PARD3B: variants seen among roughly 807,000 people sequenced by gnomAD.
The protein encoded by PARD3B is par-3 family cell polarity regulator beta.
PARD3B carries 103 observed loss-of-function variants against 130.2 expected under a neutral mutation model. The ratio of observed to expected loss-of-function variants is 0.79; its 90% CI spans 0.67 to 0.93. The LOEUF is 0.93. Ranked by LOEUF, PARD3B falls within the 40% of genes least tolerant of loss-of-function variation. The pLI, the probability that PARD3B is intolerant of heterozygous loss-of-function variation, is 0.00. For synonymous variants in PARD3B, 583 were observed against 553.2 expected, an observed-to-expected ratio of 1.05 and a Z score of -0.76; for missense variants, 1,609 against 1,499.2, an observed-to-expected ratio of 1.07 and a Z score of -1.21.
At chr2:204,843,077 C>T (rs1330160431) in intron 2 of PARD3B, among the ~76,000 whole-genome samples, 1 of 152,046 alleles carries the variant, frequency 6.6e-6, no homozygotes, top group Non-Finnish European at 1.5e-5. Context: ...CTGAGCTGAG[C>T]CCCGAGGATC....
chr2:204,745,434 GCT>G (rs1229621345), intron 2 of PARD3B, among the ~76,000 whole-genome samples: 1 of 146,674 alleles, frequency 6.8e-6, no homozygotes, highest in Non-Finnish European at 1.5e-5. Context: ...ACGGAGTTTT[GCT>G]CTGTCACCTG....
rs145954812 is a variant in PARD3B at position 205,013,381 on chromosome 2, G to A, written c.395-34200G>A. Among the ~76,000 whole-genome samples, 230 of 151,974 alleles carry A rather than the reference G, an allele frequency of 1.5e-3. 1 individual carries two copies. The highest frequency in any genetic ancestry group is 5.3e-3 in the African/African-American group (221 of 41,438). Reference sequence around the variant, plus strand: ...ATTGTTTTTTTTCCCCTTCAGACTTGTATATAAATGTCATTATCTCCTGAG... The same window carrying A: ...ATTGTTTTTTTTCCCCTTCAGACTTATATATAAATGTCATTATCTCCTGAG... On this transcript the variant is annotated intron_variant, in intron 3 of 22. Coordinates refer to ENST00000406610, the MANE Select transcript of PARD3B (RefSeq NM_001302769.2).
chr2:205,353,080 G>C (rs953677013), intron 18 of PARD3B, among the ~76,000 whole-genome samples: 3 of 152,162 alleles, frequency 2.0e-5, no homozygotes, highest in African/African-American at 7.2e-5. Flanking sequence ...TTTATCTACA[G>C]ATGTCTTTAA....
At chr2:204,692,421 C>T (rs2037397521) in intron 2 of PARD3B, among the ~76,000 whole-genome samples, 1 of 151,784 alleles carries the variant, frequency 6.6e-6, no homozygotes, top group Non-Finnish European at 1.5e-5. Flanking sequence ...AAGTGTGTAA[C>T]TTATTCAGTC....
rs372361687 is a variant in PARD3B, at chr2:204,654,279, C to T, written c.121-31902C>T. On this transcript the variant is annotated intron_variant, in intron 1 of 22. Coordinates refer to ENST00000406610, the MANE Select transcript of PARD3B (RefSeq NM_001302769.2). ...CTGAGGGGGGAAACGAAGAAAGGAT[C>T]GTGACAACCTAATGCAGGTTCTTGA... is the stretch of plus-strand genomic sequence containing the variant. Among the ~76,000 whole-genome samples, 20 of 151,254 alleles carry T rather than the reference C, an allele frequency of 1.3e-4. No individual in the cohort carries two copies. The East Asian group carries it at 2.5e-3, about 19-fold the overall frequency.
chr2:205,553,470 G>A, intron 22 of PARD3B, 67 bp downstream of exon 22: 2 of 1,488,430 alleles, frequency 1.3e-6, no homozygotes, highest in African/African-American at 1.4e-5. Flanking sequence ...AAGTCTACAT[G>A]AAATAGAAAT....
At chr2:204,639,248 A>ATCT in intron 1 of PARD3B, among the ~76,000 whole-genome samples, 1 of 152,364 alleles carries the variant, frequency 6.6e-6, no homozygotes, top group South Asian at 2.1e-4. Context: ...AAGATGGGGC[A>ATCT]GAACATAAGA....
chr2:205,112,830 A>G (rs950152272), intron 5 of PARD3B, among the ~76,000 whole-genome samples: 3 of 152,092 alleles, frequency 2.0e-5, no homozygotes, highest in Admixed American at 2.0e-4. Flanking sequence ...TCTTTCTATA[A>G]TACATTTTCT....
intron 22 of PARD3B, among the ~76,000 whole-genome samples, chr2:205,598,423 C>T (rs1400840506): frequency 6.6e-6 from 1 of 151,750 alleles, no homozygotes; most frequent in Non-Finnish European, 1.5e-5. Flanking sequence ...ACTTAACTAT[C>T]TTAAATACAT....
chr2:205,114,864 T>G (rs1021616716), intron 6 of PARD3B, among the ~76,000 whole-genome samples: 1 of 151,912 alleles, frequency 6.6e-6, no homozygotes, highest in African/African-American at 2.4e-5. Flanking sequence ...ATTTCCTGTG[T>G]GTGTTAATAA....
intron 3 of PARD3B, among the ~76,000 whole-genome samples, chr2:204,985,215 T>A (rs1380119445): frequency 6.6e-6 from 1 of 152,060 alleles, no homozygotes; most frequent in East Asian, 1.9e-4. Context: ...TTCCCTCCCT[T>A]TAACTATCTC....
intron 16 of PARD3B, among the ~76,000 whole-genome samples, chr2:205,289,453 A>G (rs2041520554): frequency 6.6e-6 from 1 of 152,194 alleles, no homozygotes; most frequent in Non-Finnish European, 1.5e-5. Flanking sequence ...TAATCTTCCA[A>G]CTACCCCATA....
chr2:205,449,897 A>G (rs1395585233), intron 20 of PARD3B, among the ~76,000 whole-genome samples: 1 of 152,198 alleles, frequency 6.6e-6, no homozygotes, highest in Admixed American at 6.5e-5. Flanking sequence ...AATAATTACA[A>G]TATAATATGT....
chr2:205,266,156 C>G (rs772593963), intron 16 of PARD3B, among the ~76,000 whole-genome samples: 2 of 152,048 alleles, frequency 1.3e-5, no homozygotes, highest in South Asian at 4.1e-4. Context: ...GATTTAATGT[C>G]TCCCAGACCC....
chr2:205,051,082 T>C (rs1006362092), intron 4 of PARD3B, among the ~76,000 whole-genome samples: 3 of 152,146 alleles, frequency 2.0e-5, no homozygotes, highest in African/African-American at 7.2e-5. Flanking sequence ...CTTGGGAACA[T>C]AACAACCACA....
intron 22 of PARD3B, among the ~76,000 whole-genome samples, chr2:205,596,707 C>CA (rs1289442597): frequency 6.6e-6 from 1 of 152,090 alleles, no homozygotes; most frequent in African/African-American, 2.4e-5. Context: ...TAATCATCCC[C>CA]AAAATGTATG....
At chr2:205,439,045 T>C (rs2047619049) in intron 19 of PARD3B, among the ~76,000 whole-genome samples, 1 of 152,212 alleles carries the variant, frequency 6.6e-6, no homozygotes, top group African/African-American at 2.4e-5. Flanking sequence ...AATGTTGTTC[T>C]GCCAAAAGAG....
At chr2:205,555,807 A>G (rs1358920719) in intron 22 of PARD3B, among the ~76,000 whole-genome samples, 2 of 152,102 alleles carry the variant, frequency 1.3e-5, no homozygotes, top group South Asian at 2.1e-4. Context: ...TGCAAGGGGG[A>G]CCCCTGGCAG....
chr2:205,138,441 C>G (rs953578219), intron 10 of PARD3B, among the ~76,000 whole-genome samples: 2 of 152,080 alleles, frequency 1.3e-5, no homozygotes, highest in African/African-American at 4.8e-5. Flanking sequence ...GAGAATTACT[C>G]TTTTAGACAT....
Sources: gnomAD v4.1 joint callset for allele counts (sites outside exome capture counted in the v4.1 genomes callset) on GRCh38, gnomAD v4.1.1 for gene constraint, MANE v1.5 for transcripts, NCBI Gene and HGNC (gene_info 2026-07-23, HGNC 2026-07-21) for gene names.